Variants in GUCY1B1 observed in about 807,000 individuals in gnomAD.
The protein encoded by GUCY1B1 is guanylate cyclase soluble subunit beta-1.
In GUCY1B1, 43 loss-of-function variants were observed where a neutral mutation model predicts 71.0. The ratio of observed to expected loss-of-function variants is 0.61; its 90% CI spans 0.47 to 0.78. The LOEUF (loss-of-function observed/expected upper bound fraction) is 0.78, where lower values mean the gene tolerates loss of function less well. GUCY1B1 is among the 30% of genes least tolerant of loss of function. The pLI is 0.00. For missense variants in GUCY1B1, 535 were observed against 754.1 expected (o/e 0.71, Z 3.40); for synonymous variants, 266 against 259.7 (o/e 1.02, Z -0.23).
Position 155,792,302 on chromosome 4 carries a change from A to G in GUCY1B1, c.496-1554A>G, listed in dbSNP as rs147192791. Reference sequence around the variant, plus strand: ...TTTTGCCAGTTTGATCAAAGCAAAAAAATTAGAATTGAATAATTAATTCAT... The same window carrying G: ...TTTTGCCAGTTTGATCAAAGCAAAAGAATTAGAATTGAATAATTAATTCAT... On this transcript the variant is annotated intron_variant, in intron 5 of 13. Transcript: ENST00000264424. Among the ~76,000 whole-genome samples the G allele has an allele frequency of 2.4e-3, 370 of 152,290 alleles. 3 individuals carry two copies. The highest frequency in any genetic ancestry group is 6.8e-3 in the Middle Eastern group (2 of 294).
intron 13 of GUCY1B1, 76 bp downstream of exon 13, chr4:155,805,305 A>G: frequency 8.5e-7 from 1 of 1,179,554 alleles, no homozygotes; most frequent in Non-Finnish European, 1.2e-6. Flanking sequence ...AATCACTGAA[A>G]ATGTATTTCA....
chr4:155,786,615 A>C (rs1054170490), intron 4 of GUCY1B1, among the ~76,000 whole-genome samples: 2 of 150,166 alleles, frequency 1.3e-5, no homozygotes, highest in African/African-American at 2.4e-5. Context: ...GATTACAGGC[A>C]CCCACCGCCA....
chr4:155,791,753 A>AAT (rs1554012207), intron 5 of GUCY1B1, among the ~76,000 whole-genome samples: 4 of 138,768 alleles, frequency 2.9e-5, no homozygotes, highest in Non-Finnish European at 6.2e-5. Context: ...GAAAAAAAAA[A>AAT]AAATAAAGCA....
intron 5 of GUCY1B1, 32 bp from the exon 6 acceptor site, chr4:155,793,824 C>T (rs1285876635): frequency 1.1e-6 from 1 of 925,802 alleles, no homozygotes; most frequent in East Asian, 2.4e-5. Context: ...GAAATGAAGA[C>T]AATTCATGCC....
chr4:155,804,529 T>TAAA, intron 11 of GUCY1B1, 64 bp from the exon 12 acceptor site: 26 of 1,068,008 alleles, frequency 2.4e-5, no homozygotes, highest in Non-Finnish European at 2.6e-5. Context: ...TAAAGTAAAA[T>TAAA]AAAAAAAAAA....
intron 13 of GUCY1B1, among the ~76,000 whole-genome samples, chr4:155,806,100 G>T (rs1740293205): frequency 6.6e-6 from 1 of 152,124 alleles, no homozygotes; most frequent in Non-Finnish European, 1.5e-5. Flanking sequence ...GAATGCCAGG[G>T]TTTGAAATAT....
At chr4:155,792,501 T>C (rs1417873373) in intron 5 of GUCY1B1, among the ~76,000 whole-genome samples, 1 of 152,274 alleles carries the variant, frequency 6.6e-6, no homozygotes, top group Non-Finnish European at 1.5e-5. Flanking sequence ...ATTTAACCAG[T>C]ATAGTAAGTT....
At chr4:155,785,330 G>A (rs1459853) in intron 4 of GUCY1B1, 793,352 of 1,363,446 alleles carry the variant, frequency 0.58, 239,341 homozygotes, top group African/African-American at 0.9. Flanking sequence ...GTGCTGCAAT[G>A]TAAGAGTTTA....
intron 4 of GUCY1B1, among the ~76,000 whole-genome samples, chr4:155,782,861 T>A (rs1333517718): frequency 6.6e-6 from 1 of 152,150 alleles, no homozygotes; most frequent in Non-Finnish European, 1.5e-5. Flanking sequence ...AGGCCACGTG[T>A]AGACTGGCAG....
intron 2 of GUCY1B1, among the ~76,000 whole-genome samples, chr4:155,773,604 A>G (rs2111019556): frequency 6.6e-6 from 1 of 152,288 alleles, no homozygotes; most frequent in South Asian, 2.1e-4. Flanking sequence ...GTCCGCCTCC[A>G]ACAAGTCTTT....
chr4:155,795,070 A>G (rs1248672746), intron 6 of GUCY1B1, among the ~76,000 whole-genome samples: 1 of 152,122 alleles, frequency 6.6e-6, no homozygotes, highest in Non-Finnish European at 1.5e-5. Flanking sequence ...CTGAAAATGC[A>G]TTGTAAATTT....
chr4:155,795,139 T>G (rs934366713), intron 6 of GUCY1B1, among the ~76,000 whole-genome samples: 2 of 152,230 alleles, frequency 1.3e-5, no homozygotes, highest in African/African-American at 2.4e-5. Context: ...CATGTTCTTG[T>G]AACTATTTAA....
At chr4:155,779,400 G>T (rs1738268292) in intron 4 of GUCY1B1, among the ~76,000 whole-genome samples, 1 of 152,034 alleles carries the variant, frequency 6.6e-6, no homozygotes, top group Non-Finnish European at 1.5e-5. Context: ...AATAAAAGAT[G>T]GCTCATTCAC....
At chr4:155,782,541 A>G (rs1436838875) in intron 4 of GUCY1B1, among the ~76,000 whole-genome samples, 3 of 152,142 alleles carry the variant, frequency 2.0e-5, no homozygotes, top group African/African-American at 4.8e-5. Context: ...TCTACTCTCT[A>G]ATGTCCTATT....
intron 4 of GUCY1B1, among the ~76,000 whole-genome samples, chr4:155,785,679 C>G (rs1738716459): frequency 6.6e-6 from 1 of 151,812 alleles, no homozygotes; most frequent in Admixed American, 6.6e-5. Flanking sequence ...AACTTTTAAT[C>G]ATTAATCTCA....
chr4:155,791,493 G>C (rs1230394940), intron 5 of GUCY1B1, among the ~76,000 whole-genome samples: 2 of 149,150 alleles, frequency 1.3e-5, no homozygotes, highest in Non-Finnish European at 3.0e-5. Context: ...CACTTTGGGA[G>C]GCCAAGGCGG....
chr4:155,765,397 C>T (rs1476857411), intron 2 of GUCY1B1, among the ~76,000 whole-genome samples: 1 of 152,130 alleles, frequency 6.6e-6, no homozygotes, highest in African/African-American at 2.4e-5. Flanking sequence ...GTACTTGCAG[C>T]TTTTTCATTC....
At chr4:155,762,981 A>G (rs1164399425) in intron 2 of GUCY1B1, among the ~76,000 whole-genome samples, 1 of 152,156 alleles carries the variant, frequency 6.6e-6, no homozygotes, top group Non-Finnish European at 1.5e-5. Context: ...TTTCATTTCA[A>G]TATTCAAATA....
In GUCY1B1 at chr4:155,760,693, C is replaced by A. The variant is rs971313214; in HGVS notation, c.77+833C>A. On this transcript the variant is annotated intron_variant, in intron 2 of 13. Transcript: ENST00000264424. ...AATTTGCATTTAACTTATGGTACAG[C>A]TGACCACCACCAACTAGCTACTCCA... Among the ~76,000 whole-genome samples, 11 of 152,294 alleles carry A rather than the reference C, an allele frequency of 7.2e-5. No individual in the cohort carries two copies. In the East Asian group the frequency reaches 1.5e-3, roughly 21 times the overall value.
Sources: gnomAD v4.1 joint callset for allele counts (sites outside exome capture counted in the v4.1 genomes callset) on GRCh38, gnomAD v4.1.1 for gene constraint, MANE v1.5 for transcripts, NCBI Gene and HGNC (gene_info 2026-07-23, HGNC 2026-07-21) for gene names.